Variants in ARIH1 observed in about 807,000 individuals in gnomAD.
ARIH1 encodes E3 ubiquitin-protein ligase ARIH1.
Under a neutral mutation model 85.0 loss-of-function variants are expected in ARIH1, and 8 were observed. The ratio of observed to expected loss-of-function variants is 0.09; its 90% confidence interval spans 0.06 to 0.17. ARIH1 has a LOEUF of 0.17. ARIH1 is among the 10% of genes least tolerant of loss of function. The pLI is 1.00. For synonymous variants in ARIH1, 238 were observed against 253.6 expected, an observed-to-expected ratio of 0.94 and a Z score of 0.59; for missense variants, 311 against 718.1, an observed-to-expected ratio of 0.43 and a Z score of 6.48.
chr15:72,520,453 A>C lies in ARIH1; in HGVS notation c.443+2319A>C, dbSNP rs1395853454. 2.6e-5 allele frequency among the ~76,000 whole-genome samples: 4 copies of C among 151,882 alleles called. No homozygotes were observed. In the East Asian group the frequency reaches 7.7e-4, roughly 29 times the overall value. The stretch of plus-strand genomic sequence containing the variant: ...GGAGTGTCTTTTGTAAATACCATGT[A>C]GGTGCCGTTTAAAAAAATCTGAATG... On this transcript the variant is annotated intron_variant, in intron 2 of 13. Transcript: ENST00000379887.
chr15:72,482,863 CAG>C (rs2063821956), intron 1 of ARIH1, among the ~76,000 whole-genome samples: 2 of 128,164 alleles, frequency 1.6e-5, no homozygotes, highest in Non-Finnish European at 3.3e-5. Context: ...TTTTTAAAGA[CAG>C]AGGCTTGCTG....
intron 1 of ARIH1, chr15:72,475,309 G>A: frequency 2.1e-6 from 1 of 474,756 alleles, no homozygotes; most frequent in East Asian, 5.0e-5. Context: ...CCCTGGGCCG[G>A]GTGTCCTTTC....
chr15:72,502,063 T>C (rs77627100), intron 1 of ARIH1, among the ~76,000 whole-genome samples: 5,845 of 151,764 alleles, frequency 0.039, 331 homozygotes, highest in African/African-American at 0.13. Flanking sequence ...TCTTGAGTAT[T>C]TTTTTTTGAT....
rs889968929 is a variant in ARIH1, at chr15:72,474,460, C to G, written c.-180C>G. ...TCCCTCCCTCCCTCCTCCGCGCCCT[C>G]CCCGCCGCCACCAGCCGTCAAACGC... On this transcript the variant is annotated 5_prime_UTR_variant, in exon 1 of 14. Transcript: ENST00000379887. 5.0e-6 allele frequency: 4 copies of G among 803,532 alleles called. No individual in the cohort carries two copies. The highest frequency in any genetic ancestry group is 5.6e-6 in the Non-Finnish European group (3 of 537,964). The allele number at this position is 803,532 out of a possible 1,614,324, so 49.8% of individuals were successfully genotyped here. A position where few individuals can be genotyped will look rare whatever the true frequency, so the allele number is the denominator to read the frequency against.
chr15:72,486,353 A>G (rs1239189634), intron 1 of ARIH1, among the ~76,000 whole-genome samples: 2 of 152,162 alleles, frequency 1.3e-5, no homozygotes, highest in Non-Finnish European at 2.9e-5. Flanking sequence ...CCCTTTATCC[A>G]GTATATAGCA....
chr15:72,506,350 A>G (rs78606244), intron 1 of ARIH1, among the ~76,000 whole-genome samples: 2 of 144,666 alleles, frequency 1.4e-5, no homozygotes, highest in African/African-American at 5.0e-5. Flanking sequence ...ACTCCGTCTC[A>G]CAAAAAAAAA....
chr15:72,569,354 G>A (rs1334417175), intron 9 of ARIH1, among the ~76,000 whole-genome samples: 4 of 152,052 alleles, frequency 2.6e-5, no homozygotes, highest in African/African-American at 7.2e-5. Context: ...AATCTAACAC[G>A]ATCTCTGTAG....
intron 11 of ARIH1, among the ~76,000 whole-genome samples, chr15:72,576,699 A>G (rs910969610): frequency 6.6e-5 from 10 of 151,930 alleles, no homozygotes; most frequent in Non-Finnish European, 2.9e-5. Context: ...TACAAAACAA[A>G]TCTAAACTAG....
chr15:72,515,461 G>GT (rs2063971026), intron 1 of ARIH1, among the ~76,000 whole-genome samples: 1 of 152,200 alleles, frequency 6.6e-6, no homozygotes, highest in Non-Finnish European at 1.5e-5. Context: ...GAATTGGTCA[G>GT]TTTTTTGTTT....
At chr15:72,551,746 A>G (rs1037335706) in intron 3 of ARIH1, among the ~76,000 whole-genome samples, 1 of 152,238 alleles carries the variant, frequency 6.6e-6, no homozygotes, top group Non-Finnish European at 1.5e-5. Flanking sequence ...TCCCCTACTT[A>G]TAAATGGCCA....
intron 1 of ARIH1, 61 bp downstream of exon 1, chr15:72,475,075 C>G (rs1216326142): frequency 2.6e-6 from 4 of 1,539,508 alleles, no homozygotes; most frequent in East Asian, 5.0e-5. Context: ...TCAGGCGGCA[C>G]GCGCGGTCCC....
intron 2 of ARIH1, among the ~76,000 whole-genome samples, chr15:72,528,604 A>G (rs1304596644): frequency 6.6e-6 from 1 of 152,248 alleles, no homozygotes; most frequent in African/African-American, 2.4e-5. Context: ...CTGTGATCCC[A>G]GAACTTTAGC....
In ARIH1 at chr15:72,501,344, A is replaced by T. The variant is rs555147143; in HGVS notation, c.376-16723A>T. On this transcript the variant is annotated intron_variant, in intron 1 of 13. Coordinates refer to ENST00000379887, the MANE Select transcript of ARIH1 (RefSeq NM_005744.5). ...ATAAAGTTAGATGTATGGTTTTCAA[A>T]TAATCTTATGTTTGTTATTGAACAA... Among the ~76,000 whole-genome samples, 3 of 152,362 alleles carry T rather than the reference A, an allele frequency of 2.0e-5. No homozygotes were observed. In the South Asian group the frequency reaches 6.2e-4, roughly 32 times the overall value.
chr15:72,532,331 G>C (rs1374287184), intron 2 of ARIH1, among the ~76,000 whole-genome samples: 4 of 151,868 alleles, frequency 2.6e-5, no homozygotes, highest in Admixed American at 6.6e-5. Flanking sequence ...AAACTTGATA[G>C]ACGAAATGGG....
rs1208484956 is a variant in ARIH1 at position 72,492,651 on chromosome 15, TGTA to T, written c.375+17641_375+17643del. On this transcript the variant is annotated intron_variant, in intron 1 of 13. Transcript: ENST00000379887. ...ACTGATTTGTTACAGAATTTTTAAA[TGTA>T]GTAATTACATTTCATTGGCCCTAAA... 3.3e-5 allele frequency among the ~76,000 whole-genome samples: 5 copies of T among 152,218 alleles called. No individual in the cohort carries two copies. The East Asian group carries it at 9.6e-4, about 29-fold the overall frequency.
intron 1 of ARIH1, among the ~76,000 whole-genome samples, chr15:72,503,600 A>G (rs1027948751): frequency 5.9e-5 from 9 of 152,180 alleles, no homozygotes; most frequent in Non-Finnish European, 1.3e-4. Context: ...CTTTGCTCAG[A>G]ATATCTAGTG....
At chr15:72,543,027 G>C (rs1307092692) in intron 2 of ARIH1, among the ~76,000 whole-genome samples, 2 of 151,284 alleles carry the variant, frequency 1.3e-5, no homozygotes, top group African/African-American at 2.4e-5. Context: ...TTGCCTCCTG[G>C]ATTCAAGCGG....
chr15:72,565,990 A>G (rs967862666), intron 7 of ARIH1, among the ~76,000 whole-genome samples: 3 of 152,196 alleles, frequency 2.0e-5, no homozygotes, highest in Admixed American at 1.3e-4. Context: ...ACAAGTGTAT[A>G]TGTCATGAAC....
At chr15:72,540,670 A>G (rs1336166899) in intron 2 of ARIH1, among the ~76,000 whole-genome samples, 1 of 152,050 alleles carries the variant, frequency 6.6e-6, no homozygotes. Flanking sequence ...AAAAGCTATA[A>G]ACTCCAAGCC....
Sources: gnomAD v4.1 joint callset for allele counts (sites outside exome capture counted in the v4.1 genomes callset) on GRCh38, gnomAD v4.1.1 for gene constraint, MANE v1.5 for transcripts, NCBI Gene and HGNC (gene_info 2026-07-23, HGNC 2026-07-21) for gene names.